The following WDR70 variants were observed in gnomAD, a reference collection of about 807,000 sequenced individuals.
The protein encoded by WDR70 is WD repeat domain 70, also known as WD repeat-containing protein 70.
In WDR70, 53 loss-of-function variants were observed where a neutral mutation model predicts 88.6. That is an observed-to-expected ratio of 0.60 (90% CI 0.48 to 0.75). The LOEUF is 0.75. WDR70 is among the 30% of genes least tolerant of loss of function. The probability of loss-of-function intolerance (pLI) is 0.00; values close to 1 mark genes in which losing one functional copy is unlikely to be tolerated. For missense variants in WDR70, 610 were observed against 823.2 expected (o/e 0.74, Z 3.17); for synonymous variants, 280 against 270.0 (o/e 1.04, Z -0.36).
At chr5:37,627,652 T>C (rs1744704568) in intron 10 of WDR70, among the ~76,000 whole-genome samples, 1 of 152,226 alleles carries the variant, frequency 6.6e-6, no homozygotes, top group Non-Finnish European at 1.5e-5. Flanking sequence ...TCAAGAAATT[T>C]TAAAATTTCA....
chr5:37,637,080 G>A (rs1744987830), intron 10 of WDR70, among the ~76,000 whole-genome samples: 1 of 152,008 alleles, frequency 6.6e-6, no homozygotes, highest in Admixed American at 6.6e-5. Flanking sequence ...GGTAGCTCAC[G>A]TATGTAATCC....
chr5:37,473,017 A>G (rs1739373636), intron 7 of WDR70, among the ~76,000 whole-genome samples: 3 of 151,922 alleles, frequency 2.0e-5, no homozygotes, highest in Non-Finnish European at 2.9e-5. Flanking sequence ...TGAGAATTCT[A>G]ATTGCTCCAC....
intron 17 of WDR70, 141 bp from the exon 18 acceptor site, chr5:37,752,345 A>G (rs1031091367): frequency 6.6e-6 from 4 of 603,890 alleles, no homozygotes; most frequent in Admixed American, 3.3e-5. Context: ...TTTCTTTGCC[A>G]GAAGTTTAAT....
chr5:37,552,750 C>T (rs7700431), intron 9 of WDR70, among the ~76,000 whole-genome samples: 87,797 of 152,096 alleles, frequency 0.58, 27,321 homozygotes, highest in Non-Finnish European at 0.69. Context: ...TTGGGTCGTT[C>T]GCTACATTTG....
chr5:37,573,501 G>C (rs965913121), intron 9 of WDR70, among the ~76,000 whole-genome samples: 2 of 151,210 alleles, frequency 1.3e-5, no homozygotes, highest in African/African-American at 4.9e-5. Context: ...TTTAACATTA[G>C]GTATATCTCC....
At chr5:37,434,590 C>G (rs568832901) in intron 5 of WDR70, among the ~76,000 whole-genome samples, 1 of 152,188 alleles carries the variant, frequency 6.6e-6, no homozygotes, top group East Asian at 1.9e-4. Flanking sequence ...GTGACCTTAG[C>G]CTAGAAGGGT....
At position 37,396,494 on chromosome 5, in the gene WDR70, T is replaced by C; in HGVS notation, c.416T>C (p.Leu139Pro). The change falls in exon 5 of 18, where the codon CTC (leucine) becomes CCC (proline). Residue 139 changes from leucine to proline, a missense_variant. Leu to Pro is a moderately conservative substitution (Grantham distance 98, BLOSUM62 -3). This residue lies in a region of WDR70 where 203 missense variants were observed against 228.1 expected (regional missense o/e 0.89). Transcript: ENST00000265107. ...GTTAATTTTATGGAGGAAGATATCC[T>C]CGGTCCTTTACCTCCACCTCTTAAT... ...KPVNFMEEDI[L>P]GPLPPPLNEE... 6.2e-7 allele frequency: 1 copy of C among 1,613,996 alleles called. No individual in the cohort carries two copies.
At chr5:37,457,700 T>C (rs1255389128) in intron 7 of WDR70, among the ~76,000 whole-genome samples, 2 of 152,216 alleles carry the variant, frequency 1.3e-5, no homozygotes, top group African/African-American at 2.4e-5. Context: ...ATGTTCTTTT[T>C]CCTTTAAAAA....
intron 10 of WDR70, among the ~76,000 whole-genome samples, chr5:37,645,982 A>T (rs1745222639): frequency 6.6e-6 from 1 of 152,086 alleles, no homozygotes; most frequent in Non-Finnish European, 1.5e-5. Context: ...ATTATTGATA[A>T]GTAAGGAATT....
chr5:37,592,374 A>G (rs1156970692), intron 9 of WDR70, among the ~76,000 whole-genome samples: 1 of 152,228 alleles, frequency 6.6e-6, no homozygotes, highest in Non-Finnish European at 1.5e-5. Flanking sequence ...CTGAATCTCA[A>G]TTTATATGTC....
intron 10 of WDR70, among the ~76,000 whole-genome samples, chr5:37,605,518 AT>A (rs113471331): frequency 0.1 from 15,934 of 152,162 alleles, 2,691 homozygotes; most frequent in African/African-American, 0.36. Context: ...GCAGCTTATT[AT>A]ATGGCATCTC....
In WDR70 at chr5:37,484,204, G is replaced by A. The variant is rs555884508; in HGVS notation, c.840+4217G>A. Among the ~76,000 whole-genome samples, 428 of 152,352 alleles carry A rather than the reference G, an allele frequency of 2.8e-3. 1 individual carries two copies. Among genetic ancestry groups the A allele is most frequent in the African/African-American group, 9.9e-3 (413 of 41,574 alleles). ...GGCACTTTGGGAGGCCAAGGCAGGC[G>A]GCTGGGAGGTGGCGGTTGTAGCTAG... is the stretch of plus-strand genomic sequence containing the variant. On this transcript the variant is annotated intron_variant, in intron 8 of 17. Coordinates refer to ENST00000265107, the MANE Select transcript of WDR70 (RefSeq NM_018034.4).
At chr5:37,666,355 C>T (rs1027223264) in intron 10 of WDR70, among the ~76,000 whole-genome samples, 3 of 152,144 alleles carry the variant, frequency 2.0e-5, no homozygotes, top group Non-Finnish European at 4.4e-5. Context: ...TCTACAGCAG[C>T]GAGTGTGTTT....
chr5:37,629,890 G>A (rs10039671), intron 10 of WDR70, among the ~76,000 whole-genome samples: 5,665 of 151,878 alleles, frequency 0.037, 361 homozygotes, highest in African/African-American at 0.13. Flanking sequence ...TCTGGTGGTC[G>A]CCTCTTCCAA....
intron 10 of WDR70, among the ~76,000 whole-genome samples, chr5:37,687,156 T>C (rs1299962947): frequency 1.3e-5 from 2 of 152,148 alleles, no homozygotes; most frequent in Non-Finnish European, 2.9e-5. Context: ...TGAGGATATT[T>C]GTCATAATGG....
chr5:37,453,359 G>T (rs536276038), intron 7 of WDR70, among the ~76,000 whole-genome samples: 3 of 152,184 alleles, frequency 2.0e-5, no homozygotes, highest in African/African-American at 7.2e-5. Flanking sequence ...ATAGATATTC[G>T]ATTAACTAAA....
At chr5:37,713,861 C>T (rs1417521067) in intron 13 of WDR70, among the ~76,000 whole-genome samples, 2 of 152,222 alleles carry the variant, frequency 1.3e-5, no homozygotes, top group East Asian at 1.9e-4. Flanking sequence ...TTTTCTCCCT[C>T]AGCCTGAATC....
At chr5:37,643,966 T>G (rs1561047252) in intron 10 of WDR70, among the ~76,000 whole-genome samples, 1 of 152,094 alleles carries the variant, frequency 6.6e-6, no homozygotes, top group African/African-American at 2.4e-5. Context: ...CCAATTTGGA[T>G]GTTTTTTTAT....
intron 10 of WDR70, among the ~76,000 whole-genome samples, chr5:37,685,073 G>T (rs1048411990): frequency 6.6e-6 from 1 of 152,182 alleles, no homozygotes; most frequent in African/African-American, 2.4e-5. Flanking sequence ...GGAGGGTCCA[G>T]TGTTCTCCAT....
Sources: allele counts gnomAD v4.1 joint callset (sites outside exome capture counted in the v4.1 genomes callset), GRCh38; gene constraint gnomAD v4.1.1; regional missense constraint gnomAD v4.1.1; transcripts MANE v1.5; gene names NCBI Gene and HGNC (gene_info 2026-07-23, HGNC 2026-07-21).